Variants in NRG3 observed in about 807,000 individuals in gnomAD.
The protein encoded by NRG3 is pro-neuregulin-3, membrane-bound isoform.
NRG3 carries 31 observed loss-of-function variants against 66.9 expected under a neutral mutation model. The ratio of observed to expected loss-of-function variants is 0.46; its 90% CI spans 0.35 to 0.63. The LOEUF (loss-of-function observed/expected upper bound fraction) is 0.63, where lower values mean the gene tolerates loss of function less well. Among genes scored for constraint, NRG3 ranks in the 20% least tolerant of loss-of-function variants. NRG3 has a pLI of 0.00. For synonymous variants in NRG3, 393 were observed against 359.4 expected (o/e 1.09, Z -1.06); for missense variants, 910 against 878.9 (o/e 1.04, Z -0.45).
intron 1 of NRG3, among the ~76,000 whole-genome samples, chr10:82,156,527 A>G (rs1385758598): frequency 1.3e-5 from 2 of 151,698 alleles, no homozygotes; most frequent in African/African-American, 4.8e-5. Flanking sequence ...ACCTCCTATT[A>G]TTAGTGCCAT....
intron 1 of NRG3, among the ~76,000 whole-genome samples, chr10:82,226,991 T>G (rs183641717): frequency 5.7e-4 from 87 of 152,348 alleles, no homozygotes; most frequent in Non-Finnish European, 1.0e-3. Flanking sequence ...TTGTCTTTTC[T>G]GTATATGTGC....
intron 4 of NRG3, among the ~76,000 whole-genome samples, chr10:82,894,572 G>C (rs2131825831): frequency 9.0e-6 from 1 of 110,834 alleles, no homozygotes; most frequent in Middle Eastern, 4.5e-3. Context: ...CCTGTACTTA[G>C]AGTCCTTTAA....
chr10:82,765,887 G>A (rs2059495508), intron 3 of NRG3, among the ~76,000 whole-genome samples: 1 of 152,156 alleles, frequency 6.6e-6, no homozygotes, highest in African/African-American at 2.4e-5. Flanking sequence ...GACATAGCAA[G>A]TCATCTCTAA....
intron 2 of NRG3, among the ~76,000 whole-genome samples, chr10:82,687,095 A>G (rs1216706984): frequency 6.6e-6 from 1 of 152,170 alleles, no homozygotes; most frequent in Non-Finnish European, 1.5e-5. Context: ...CGGAGCAACC[A>G]TCTTAGGTCA....
chr10:82,321,788 A>G (rs139865449), intron 1 of NRG3, among the ~76,000 whole-genome samples: 84 of 152,320 alleles, frequency 5.5e-4, no homozygotes, highest in African/African-American at 1.9e-3. Context: ...GGCAGCAGAG[A>G]TGTGTATATT....
intron 3 of NRG3, among the ~76,000 whole-genome samples, chr10:82,770,166 A>G (rs992258704): frequency 4.6e-5 from 7 of 152,152 alleles, no homozygotes; most frequent in Non-Finnish European, 8.8e-5. Flanking sequence ...AAATATGAAA[A>G]TGAAATAGCA....
intron 2 of NRG3, among the ~76,000 whole-genome samples, chr10:82,545,507 T>C (rs1273304419): frequency 6.6e-6 from 1 of 151,252 alleles, no homozygotes; most frequent in African/African-American, 2.4e-5. Flanking sequence ...GCCTCCCAAG[T>C]AGCTGGTACT....
chr10:82,015,467 A>G (rs577331498), intron 1 of NRG3, among the ~76,000 whole-genome samples: 63 of 152,184 alleles, frequency 4.1e-4, no homozygotes, highest in Non-Finnish European at 8.7e-4. Flanking sequence ...TGTAATCCCC[A>G]TAATCCCTAT....
At chr10:82,931,227 G>A (rs1241456212) in intron 4 of NRG3, among the ~76,000 whole-genome samples, 1 of 152,102 alleles carries the variant, frequency 6.6e-6, no homozygotes, top group Non-Finnish European at 1.5e-5. Context: ...TCCATCAGCA[G>A]GAATAGAAAG....
intron 1 of NRG3, among the ~76,000 whole-genome samples, chr10:81,905,597 C>G (rs868647395): frequency 6.6e-6 from 1 of 152,154 alleles, no homozygotes. Context: ...CTTGAGAGAC[C>G]TGGACCTCTG....
intron 5 of NRG3, among the ~76,000 whole-genome samples, chr10:82,954,994 A>G (rs1033892281): frequency 3.3e-5 from 5 of 151,874 alleles, no homozygotes; most frequent in African/African-American, 1.2e-4. Context: ...AGGCCTCTCT[A>G]TCACTGGTAT....
At chr10:82,864,731 C>T (rs1347963974) in intron 3 of NRG3, among the ~76,000 whole-genome samples, 1 of 152,150 alleles carries the variant, frequency 6.6e-6, no homozygotes, top group Non-Finnish European at 1.5e-5. Context: ...GTAGAACAGA[C>T]ATGGACACAC....
intron 2 of NRG3, among the ~76,000 whole-genome samples, chr10:82,435,638 T>C (rs894308331): frequency 6.6e-6 from 1 of 152,132 alleles, no homozygotes; most frequent in Non-Finnish European, 1.5e-5. Context: ...GAGATTCTGG[T>C]ATGTTGTCTC....
intron 1 of NRG3, among the ~76,000 whole-genome samples, chr10:81,939,056 C>T (rs191027996): frequency 6.6e-6 from 1 of 151,978 alleles, no homozygotes; most frequent in East Asian, 1.9e-4. Flanking sequence ...TGTAGCATAT[C>T]CCATTGATTG....
At chr10:82,228,477 A>G (rs938702703) in intron 1 of NRG3, among the ~76,000 whole-genome samples, 2 of 152,150 alleles carry the variant, frequency 1.3e-5, no homozygotes, top group Admixed American at 6.5e-5. Flanking sequence ...CAAATATGAT[A>G]TTGATTTGCT....
intron 1 of NRG3, among the ~76,000 whole-genome samples, chr10:81,961,444 C>T (rs952284205): frequency 6.7e-6 from 1 of 149,506 alleles, no homozygotes; most frequent in Non-Finnish European, 1.5e-5. Flanking sequence ...CGTGACCAGG[C>T]TCTAGCATAG....
rs117010451 is a variant in NRG3 at position 82,705,301 on chromosome 10, T to C, written c.954-33276T>C. On this transcript the variant is annotated intron_variant, in intron 2 of 8. Transcript: ENST00000372141. ...TAGAAGGTCTGGGGTGGTGGCCAAG[T>C]GTCTGCTTTGCATGTTAGACAATGC... Among the ~76,000 whole-genome samples the C allele has an allele frequency of 9.8e-3, 1,492 of 152,306 alleles. 13 individuals carry two copies. Among genetic ancestry groups the C allele is most frequent in the Non-Finnish European group, 0.014 (954 of 68,030 alleles).
intron 6 of NRG3, among the ~76,000 whole-genome samples, chr10:82,963,476 C>T (rs1221116246): frequency 1.3e-5 from 2 of 151,728 alleles, no homozygotes; most frequent in Admixed American, 6.6e-5. Flanking sequence ...GTCAGGAGAT[C>T]GAGACAATCC....
chr10:82,494,481 A>ATGTG (rs377198509), intron 2 of NRG3, among the ~76,000 whole-genome samples: 1 of 150,034 alleles, frequency 6.7e-6, no homozygotes. Context: ...GTAAGTGCGA[A>ATGTG]TGTGTGTGTG....
Sources: allele counts gnomAD v4.1 joint callset (sites outside exome capture counted in the v4.1 genomes callset), GRCh38; gene constraint gnomAD v4.1.1; transcripts MANE v1.5; gene names NCBI Gene and HGNC (gene_info 2026-07-23, HGNC 2026-07-21).